EIF3A: variants seen among roughly 807,000 people sequenced by gnomAD.
The protein encoded by EIF3A is eukaryotic translation initiation factor 3 subunit A.
EIF3A carries 21 observed loss-of-function variants against 186.6 expected under a neutral mutation model. The ratio of observed to expected loss-of-function variants is 0.11; its 90% CI spans 0.08 to 0.16. The LOEUF is 0.16. EIF3A is among the 10% of genes least tolerant of loss of function. The probability of loss-of-function intolerance (pLI) is 1.00; values close to 1 mark genes in which losing one functional copy is unlikely to be tolerated. For missense variants in EIF3A, 1,306 were observed against 1,796.3 expected (o/e 0.73, Z 4.93); for synonymous variants, 563 against 584.3 (o/e 0.96, Z 0.52).
intron 7 of EIF3A, among the ~76,000 whole-genome samples, chr10:119,062,717 T>C (rs1161051908): frequency 6.6e-6 from 1 of 151,336 alleles, no homozygotes; most frequent in African/African-American, 2.4e-5. Context: ...TATTGCAGTA[T>C]ATTAAATCTA....
rs1029637160 is a variant in EIF3A at position 119,035,533 on chromosome 10, T to C, written c.*506A>G. On this transcript the variant is annotated 3_prime_UTR_variant, in exon 22 of 22. Coordinates refer to ENST00000369144, the MANE Select transcript of EIF3A (RefSeq NM_003750.4). ...GTTTACTTCAAGTGAATCTAAAAAA[T>C]TTCTAAATTTAGTTTATGGTAAATA... The C allele has an allele frequency of 6.6e-6, 1 of 152,406 alleles. No homozygotes were observed. Among genetic ancestry groups the C allele is most frequent in the Non-Finnish European group, 1.5e-5 (1 of 68,196 alleles). The allele number at this position is 152,406 out of a possible 1,614,324, so 9.4% of individuals were successfully genotyped here.
intron 17 of EIF3A, among the ~76,000 whole-genome samples, chr10:119,046,931 C>T (rs899794354): frequency 4.1e-5 from 6 of 147,686 alleles, no homozygotes; most frequent in Non-Finnish European, 7.4e-5. Context: ...CACTCCAGCC[C>T]GGGCAAAAAG....
At chr10:119,050,111 A>G in intron 16 of EIF3A, 126 bp from the exon 17 acceptor site, 1 of 915,104 alleles carries the variant, frequency 1.1e-6, no homozygotes, top group South Asian at 1.6e-5. Flanking sequence ...AATAGTTTGT[A>G]ATCAGCTACA....
intron 9 of EIF3A, among the ~76,000 whole-genome samples, chr10:119,060,374 G>A (rs966857114): frequency 2.2e-4 from 33 of 152,070 alleles, no homozygotes; most frequent in Admixed American, 2.2e-3. Context: ...ATAGAAGTAT[G>A]CAAAGATACA....
rs772259426 is a variant in EIF3A at position 119,071,060 on chromosome 10, C to T, written c.567G>A (p.Thr189=). The T allele has an allele frequency of 2.5e-5, 41 of 1,613,726 alleles. 1 individual carries two copies. The East Asian group carries it at 2.9e-4, about 11-fold the overall frequency. ...QQAFKFCLQY[T]RKAEFRKLCD... is the part of the protein sequence containing the mutation. ...ACAGTTTACGGAATTCAGCCTTACG[C>T]GTGTATTGGAGGCAGAATTTGAAAG... Residue 189 remains threonine (T), a synonymous_variant, in exon 5 of 22, where the codon ACG becomes ACA. Transcript: ENST00000369144.
chr10:119,044,185 TTTACTA>T, intron 17 of EIF3A, 43 bp from the exon 18 acceptor site: 1 of 1,316,754 alleles, frequency 7.6e-7, no homozygotes, highest in South Asian at 1.2e-5. Context: ...TTGGTAACCA[TTTACTA>T]TTACAACTAC....
At chr10:119,040,123 A>G (rs1848188336) in intron 19 of EIF3A, among the ~76,000 whole-genome samples, 1 of 152,234 alleles carries the variant, frequency 6.6e-6, no homozygotes, top group South Asian at 2.1e-4. Flanking sequence ...ACAACTGGGG[A>G]AAGCAAGGAA....
chr10:119,059,225 G>A lies in EIF3A; in HGVS notation c.1616C>T (p.Pro539Leu), dbSNP rs775937350. ...VLAKALEVIKPAHILQEKEEQ... is the reference protein window; with the variant it reads ...VLAKALEVIKLAHILQEKEEQ... The stretch of plus-strand genomic sequence containing the variant: ...GAAGATGCATACCAGTATATGAGCT[G>A]GTTTAATGACTTCAAGTGCTTTTGC... The change falls in exon 11 of 22, where the codon CCA (proline) becomes CTA (leucine). Residue 539 changes from proline (P) to leucine (L), a missense_variant. Pro to Leu is a moderately conservative substitution (Grantham distance 98, BLOSUM62 -3). This residue lies in a region of EIF3A where 44 missense variants were observed against 43.4 expected (regional missense o/e 1.01). Coordinates refer to ENST00000369144, the MANE Select transcript of EIF3A (RefSeq NM_003750.4). 1 of 1,614,092 alleles carries A rather than the reference G, an allele frequency of 6.2e-7. No homozygotes were observed. Among genetic ancestry groups the A allele is most frequent in the Non-Finnish European group, 8.5e-7 (1 of 1,179,962 alleles).
At position 119,053,982 on chromosome 10, in the gene EIF3A, G is replaced by A. The variant is rs562954291; in HGVS notation, c.2197-2661C>T. Among the ~76,000 whole-genome samples the A allele has an allele frequency of 4.1e-4, 63 of 152,256 alleles. 1 individual carries two copies. The South Asian group carries it at 9.1e-3, about 22-fold the overall frequency. ...GTTGCCCAGGGTGGAGTGCAGTGGC[G>A]CAATCTCAGCTCACTGCAACCTCTG... On this transcript the variant is annotated intron_variant, in intron 14 of 21. Transcript: ENST00000369144.
Position 119,037,391 on chromosome 10 carries a change from G to A in EIF3A, c.3729-82C>T, listed in dbSNP as rs140533751. On this transcript the variant is annotated intron_variant, in intron 20 of 21. Transcript: ENST00000369144. ...ATAAGTACATCCAGTCCAAGCTGGG[G>A]CTTAGAGTTTACAAATATAACAGAC... 5 of 1,253,724 alleles carry A rather than the reference G, an allele frequency of 4.0e-6. No individual in the cohort carries two copies. In the East Asian group the frequency reaches 9.7e-5, roughly 24 times the overall value. 77.7% of individuals were successfully genotyped at this position (1,253,724 alleles called of 1,614,324 possible). A position where few individuals can be genotyped will look rare whatever the true frequency, so the allele number is the denominator to read the frequency against.
At position 119,035,145 on chromosome 10, in the gene EIF3A, G is replaced by A. The variant is rs1167012647; in HGVS notation, c.*894C>T. On this transcript the variant is annotated 3_prime_UTR_variant, in exon 22 of 22. Coordinates refer to ENST00000369144, the MANE Select transcript of EIF3A (RefSeq NM_003750.4). ...AGTTCATCTTTAACATAGCTACTGC[G>A]CTCCAAAATTGAAGTCAACACAGTC... is the stretch of plus-strand genomic sequence containing the variant. 1.3e-5 allele frequency: 2 copies of A among 152,190 alleles called. No homozygotes were observed. Among genetic ancestry groups the A allele is most frequent in the Admixed American group, 6.6e-5 (1 of 15,212 alleles). 9.4% of individuals were successfully genotyped at this position (152,190 alleles called of 1,614,324 possible).
At chr10:119,055,133 G>A (rs887465437) in intron 14 of EIF3A, among the ~76,000 whole-genome samples, 3 of 152,004 alleles carry the variant, frequency 2.0e-5, no homozygotes, top group African/African-American at 2.4e-5. Flanking sequence ...ACTTGAACCC[G>A]GCGGGGGCAG....
At chr10:119,064,638 T>C (rs1216358426) in intron 7 of EIF3A, among the ~76,000 whole-genome samples, 1 of 152,318 alleles carries the variant, frequency 6.6e-6, no homozygotes, top group East Asian at 1.9e-4. Flanking sequence ...CTATACTTCC[T>C]ATACAGCCTG....
intron 21 of EIF3A, 34 bp from the exon 22 acceptor site, chr10:119,036,302 T>C (rs1848129645): frequency 1.4e-6 from 2 of 1,385,600 alleles, no homozygotes; most frequent in Non-Finnish European, 2.0e-6. Flanking sequence ...AAAATTAAGT[T>C]AGTACTATAT....
At chr10:119,052,396 G>GTGTGTGTGTGTGTGTGTGTGTGTA (rs1391760734) in intron 14 of EIF3A, among the ~76,000 whole-genome samples, 3 of 150,330 alleles carry the variant, frequency 2.0e-5, no homozygotes, top group Admixed American at 6.6e-5. Flanking sequence ...GTGTGTGTGT[G>GTGTGTGTGTGTGTGTGTGTGTGTA]TGTTTTAAGA....
At chr10:119,064,124 T>C (rs952855288) in intron 7 of EIF3A, among the ~76,000 whole-genome samples, 1 of 152,210 alleles carries the variant, frequency 6.6e-6, no homozygotes, top group Non-Finnish European at 1.5e-5. Context: ...CTAAAACTTT[T>C]GTATTATATC....
chr10:119,072,493 C>G (rs1844093110), intron 4 of EIF3A, among the ~76,000 whole-genome samples: 1 of 152,038 alleles, frequency 6.6e-6, no homozygotes, highest in Non-Finnish European at 1.5e-5. Context: ...CTTGCTGTTA[C>G]CAAGGCTGGA....
intron 19 of EIF3A, 79 bp downstream of exon 19, chr10:119,041,915 T>G: frequency 7.0e-7 from 1 of 1,421,954 alleles, no homozygotes; most frequent in Non-Finnish European, 9.7e-7. Flanking sequence ...AAAATAACAA[T>G]ACAGCCCTGA....
chr10:119,074,326 G>A (rs899383214), intron 1 of EIF3A, among the ~76,000 whole-genome samples: 2 of 152,084 alleles, frequency 1.3e-5, no homozygotes, highest in Non-Finnish European at 2.9e-5. Flanking sequence ...TTAGCCAGGC[G>A]TGGTGGTATG....
Sources: gnomAD v4.1 joint callset for allele counts (sites outside exome capture counted in the v4.1 genomes callset) on GRCh38, gnomAD v4.1.1 for gene constraint, gnomAD v4.1.1 regional missense constraint, MANE v1.5 for transcripts, NCBI Gene and HGNC (gene_info 2026-07-23, HGNC 2026-07-21) for gene names.